The following PTPRD variants were observed in gnomAD, a reference collection of about 807,000 sequenced individuals.
PTPRD encodes protein tyrosine phosphatase receptor type D, also known as receptor-type tyrosine-protein phosphatase delta.
A neutral mutation model predicts 214.5 loss-of-function variants in PTPRD; 34 were observed. That is an observed-to-expected ratio of 0.16 (90% confidence interval 0.12 to 0.21). PTPRD has a LOEUF of 0.21. Ranked by LOEUF, PTPRD falls within the 10% of genes least tolerant of loss-of-function variation. PTPRD has a pLI of 1.00. For synonymous variants in PTPRD, 1,128 were observed against 845.7 expected (o/e 1.33, Z -5.79); for missense variants, 2,545 against 2,398.7 (o/e 1.06, Z -1.27).
chr9:8,568,255 G>C (rs1178774005), intron 14 of PTPRD, among the ~76,000 whole-genome samples: 2 of 152,118 alleles, frequency 1.3e-5, no homozygotes, highest in Admixed American at 6.5e-5. Context: ...GTTATTCTTT[G>C]GGTCTCCAAA....
chr9:8,453,444 G>A (rs954935627), intron 33 of PTPRD, among the ~76,000 whole-genome samples: 9 of 152,310 alleles, frequency 5.9e-5, no homozygotes, highest in African/African-American at 1.4e-4. Context: ...GATTACAGGC[G>A]TGAGCCACCA....
rs1156981696 is a variant in PTPRD, at chr9:10,088,723, T to A, written c.-544-54933A>T. ...TGTTTATAAAATAGACAGAAACATG[T>A]TTCCTATCTACATCTTTGGATGTTA... is the stretch of plus-strand genomic sequence containing the variant. On this transcript the variant is annotated intron_variant, in intron 3 of 45. Coordinates refer to ENST00000381196, the MANE Select transcript of PTPRD (RefSeq NM_002839.4). Among the ~76,000 whole-genome samples, 3 of 151,792 alleles carry A rather than the reference T, an allele frequency of 2.0e-5. No homozygotes were observed. The East Asian group carries it at 5.8e-4, about 29-fold the overall frequency.
intron 2 of PTPRD, among the ~76,000 whole-genome samples, chr9:10,368,927 C>T (rs955902439): frequency 3.3e-5 from 5 of 152,054 alleles, no homozygotes; most frequent in Admixed American, 6.6e-5. Flanking sequence ...TATGATTAAG[C>T]AGCAAAACAC....
intron 15 of PTPRD, 110 bp downstream of exon 15, chr9:8,528,481 A>G: frequency 1.0e-6 from 1 of 1,001,308 alleles, no homozygotes; most frequent in East Asian, 2.6e-5. Context: ...GAAGAGGGAG[A>G]AAAATCAGTA....
At chr9:8,349,355 T>C (rs953477837) in intron 39 of PTPRD, among the ~76,000 whole-genome samples, 1 of 152,174 alleles carries the variant, frequency 6.6e-6, no homozygotes, top group Non-Finnish European at 1.5e-5. Flanking sequence ...CAGCAGCATA[T>C]ATTTATTTTG....
chr9:10,248,866 G>A (rs1044874975), intron 3 of PTPRD, among the ~76,000 whole-genome samples: 16 of 110,028 alleles, frequency 1.5e-4, no homozygotes, highest in African/African-American at 4.4e-4. Context: ...ATGCACAGAG[G>A]TGATATTTTA....
chr9:9,909,620 T>C (rs951347657), intron 5 of PTPRD, among the ~76,000 whole-genome samples: 13 of 152,070 alleles, frequency 8.5e-5, no homozygotes, highest in African/African-American at 2.6e-4. Flanking sequence ...GGTGTAAATA[T>C]GTCAAAATGT....
At chr9:9,163,379 T>A (rs2099894309) in intron 10 of PTPRD, among the ~76,000 whole-genome samples, 1 of 152,078 alleles carries the variant, frequency 6.6e-6, no homozygotes, top group African/African-American at 2.4e-5. Context: ...TCCTCTTGTG[T>A]TCTCTATCTC....
chr9:10,161,534 A>G lies in PTPRD; in HGVS notation c.-544-127744T>C, dbSNP rs897921742. ...AACTAGACCCTATCTCTCACCATAT[A>G]TAACAATAAAATCAAAATGATTTGC... On this transcript the variant is annotated intron_variant, in intron 3 of 45. Transcript: ENST00000381196. Among the ~76,000 whole-genome samples the G allele has an allele frequency of 1.4e-4, 22 of 151,890 alleles. 1 individual carries two copies. The highest frequency in any genetic ancestry group is 1.2e-3 in the Admixed American group (19 of 15,218).
Position 10,298,379 on chromosome 9 carries a change from AAT to A in PTPRD, c.-545+42582_-545+42583del, listed in dbSNP as rs553042054. Among the ~76,000 whole-genome samples the A allele has an allele frequency of 8.9e-4, 127 of 143,458 alleles. 3 individuals are homozygous for A. In the South Asian group the frequency reaches 0.025, roughly 28 times the overall value. The allele number at this position is 143,458 out of a possible 152,430, so 94.1% of individuals were successfully genotyped here. On this transcript the variant is annotated intron_variant, in intron 3 of 45. Transcript: ENST00000381196. ...GCCAAATTAGAGTTCCATTGGTTCC[AAT>A]TATAGTACGATATGATCCTTGCCAA...
intron 10 of PTPRD, among the ~76,000 whole-genome samples, chr9:9,172,978 C>T (rs1381606971): frequency 6.6e-6 from 1 of 152,126 alleles, no homozygotes; most frequent in African/African-American, 2.4e-5. Flanking sequence ...GAGATCACCT[C>T]ACTCAGAATG....
intron 14 of PTPRD, among the ~76,000 whole-genome samples, chr9:8,559,335 A>G (rs2085241579): frequency 6.6e-6 from 1 of 152,224 alleles, no homozygotes; most frequent in Non-Finnish European, 1.5e-5. Context: ...TGTACATTAT[A>G]TACAGATATC....
At chr9:8,767,511 A>AT (rs997403018) in intron 11 of PTPRD, among the ~76,000 whole-genome samples, 9 of 151,922 alleles carry the variant, frequency 5.9e-5, no homozygotes, top group South Asian at 2.1e-4. Flanking sequence ...TTGTTGCAGC[A>AT]TTTTTTTTGT....
At chr9:8,833,144 T>C (rs528483716) in intron 11 of PTPRD, among the ~76,000 whole-genome samples, 18 of 152,198 alleles carry the variant, frequency 1.2e-4, no homozygotes, top group African/African-American at 4.3e-4. Flanking sequence ...AGAAAAAACA[T>C]GAGCTTTAGA....
chr9:9,241,646 A>G (rs986492325), intron 9 of PTPRD, among the ~76,000 whole-genome samples: 11 of 151,870 alleles, frequency 7.2e-5, no homozygotes, highest in African/African-American at 1.9e-4. Flanking sequence ...AGCCTGTTTT[A>G]TCAGAGACTA....
intron 7 of PTPRD, among the ~76,000 whole-genome samples, chr9:9,678,229 A>T (rs1423793983): frequency 1.3e-5 from 2 of 152,148 alleles, no homozygotes; most frequent in African/African-American, 2.4e-5. Context: ...TTTAAAGTTC[A>T]TATGGAACCA....
intron 12 of PTPRD, among the ~76,000 whole-genome samples, chr9:8,686,059 A>G (rs1482098094): frequency 6.6e-6 from 1 of 152,232 alleles, no homozygotes; most frequent in Admixed American, 6.5e-5. Flanking sequence ...TAAGGGAGTC[A>G]ACAGTCCTCT....
intron 3 of PTPRD, among the ~76,000 whole-genome samples, chr9:10,256,022 C>T (rs188160725): frequency 2.0e-5 from 3 of 152,144 alleles, no homozygotes; most frequent in Admixed American, 6.5e-5. Context: ...TCAGCAGCAG[C>T]ATTAGATTAT....
intron 11 of PTPRD, among the ~76,000 whole-genome samples, chr9:8,849,017 C>CTA (rs949926693): frequency 1.3e-5 from 2 of 152,038 alleles, no homozygotes; most frequent in Admixed American, 6.6e-5. Flanking sequence ...AACCACTATG[C>CTA]TATAGCTGTA....
Sources: allele counts gnomAD v4.1 joint callset (sites outside exome capture counted in the v4.1 genomes callset), GRCh38; gene constraint gnomAD v4.1.1; transcripts MANE v1.5; gene names NCBI Gene and HGNC (gene_info 2026-07-23, HGNC 2026-07-21).